Variants in CDH20 observed in about 807,000 individuals in gnomAD.
The protein encoded by CDH20 is cadherin-20.
Under a neutral mutation model 74.2 loss-of-function variants are expected in CDH20, and 29 were observed. The ratio of observed to expected loss-of-function variants is 0.39; its 90% CI spans 0.29 to 0.53. CDH20 has a LOEUF of 0.53. Among genes scored for constraint, CDH20 ranks in the 20% least tolerant of loss-of-function variants. CDH20 has a pLI of 0.69. For missense variants in CDH20, 988 were observed against 1,048.3 expected (o/e 0.94, Z 0.79); for synonymous variants, 469 against 405.4 (o/e 1.16, Z -1.88).
intron 1 of CDH20, among the ~76,000 whole-genome samples, chr18:61,382,146 T>C (rs917562487): frequency 6.6e-6 from 1 of 152,220 alleles, no homozygotes; most frequent in Non-Finnish European, 1.5e-5. Context: ...ATTTCATTGC[T>C]ATTAAAATTA....
At chr18:61,481,833 AACCCAC>A (rs1241132631) in intron 1 of CDH20, among the ~76,000 whole-genome samples, 1 of 152,142 alleles carries the variant, frequency 6.6e-6, no homozygotes, top group African/African-American at 2.4e-5. Flanking sequence ...TACAAGTATG[AACCCAC>A]CATGCCTGGC....
intron 4 of CDH20, among the ~76,000 whole-genome samples, chr18:61,502,407 A>G (rs1911414376): frequency 6.6e-6 from 1 of 152,196 alleles, no homozygotes; most frequent in Non-Finnish European, 1.5e-5. Context: ...AACAGAATGA[A>G]TATGTAACAA....
rs1041748661 is a variant in CDH20, at chr18:61,353,424, C to T, written c.-153+19597C>T. On this transcript the variant is annotated intron_variant, in intron 1 of 11. Transcript: ENST00000262717. This position sits in a 1 kb window ranked among gnomAD's most constrained non-coding sequence, Gnocchi z 4.6. ...ATGGGTCAATAGTTACTTCTTCTTC[C>T]CCTAGATTCTCATAAAATGGACTTC... Among the ~76,000 whole-genome samples, 2 of 152,174 alleles carry T rather than the reference C, an allele frequency of 1.3e-5. No homozygotes were observed. Among genetic ancestry groups the T allele is most frequent in the Non-Finnish European group, 2.9e-5 (2 of 68,038 alleles).
Position 61,490,755 on chromosome 18 carries a change from G to T in CDH20, c.202G>T (p.Val68Phe). ...KRSWVWNQFF[V>F]LEEYTGTDPL... ...GAGCTGGGTTTGGAACCAGTTTTTC[G>T]TTCTGGAAGAGTACACTGGGACCGA... Residue 68 changes from valine to phenylalanine, a missense_variant, in exon 2 of 12, where the codon GTT becomes TTT. Transcript: ENST00000262717. The T allele has an allele frequency of 6.2e-7, 1 of 1,614,092 alleles. No homozygotes were observed. Among genetic ancestry groups the T allele is most frequent in the Non-Finnish European group, 8.5e-7 (1 of 1,180,010 alleles).
chr18:61,358,168 G>T (rs1910558715), intron 1 of CDH20, among the ~76,000 whole-genome samples: 1 of 149,038 alleles, frequency 6.7e-6, no homozygotes, highest in Non-Finnish European at 1.5e-5. Flanking sequence ...AGGCTGGAGT[G>T]CAGTGGCATG....
chr18:61,529,875 G>A (rs190245270), intron 7 of CDH20, among the ~76,000 whole-genome samples: 76 of 152,264 alleles, frequency 5.0e-4, no homozygotes, highest in Middle Eastern at 3.4e-3. Context: ...ACTATCAGTT[G>A]GCCAGCACAT....
At chr18:61,377,112 G>T (rs1025065131) in intron 1 of CDH20, among the ~76,000 whole-genome samples, 2 of 152,050 alleles carry the variant, frequency 1.3e-5, no homozygotes, top group African/African-American at 4.8e-5. Flanking sequence ...GAATTTACAC[G>T]GTCAAAACTG....
chr18:61,417,208 T>C (rs1025833459), intron 1 of CDH20, among the ~76,000 whole-genome samples: 2 of 152,096 alleles, frequency 1.3e-5, no homozygotes, highest in African/African-American at 4.8e-5. Flanking sequence ...GAGATAAGAT[T>C]ATAGAGGTAA....
intron 1 of CDH20, among the ~76,000 whole-genome samples, chr18:61,395,460 T>G (rs916514006): frequency 6.6e-6 from 1 of 152,184 alleles, no homozygotes; most frequent in East Asian, 1.9e-4. Context: ...ATGCCTTCCA[T>G]ACATGTGTGG....
chr18:61,411,580 GTATATATA>G lies in CDH20; in HGVS notation c.-153+77785_-153+77792del, dbSNP rs145701176. The stretch of plus-strand genomic sequence containing the variant: ...TGTGTATATATGTGTGTGTGTGTGT[GTATATATA>G]TATATATATATATATATATATATAT... On this transcript the variant is annotated intron_variant, in intron 1 of 11. Coordinates refer to ENST00000262717, the MANE Select transcript of CDH20 (RefSeq NM_031891.4). Among the ~76,000 whole-genome samples the G allele has an allele frequency of 7.0e-4, 105 of 149,942 alleles. 1 individual carries two copies. Among genetic ancestry groups the G allele is most frequent in the African/African-American group, 2.4e-3 (99 of 40,454 alleles).
At chr18:61,478,073 C>T (rs1007206375) in intron 1 of CDH20, among the ~76,000 whole-genome samples, 1 of 152,004 alleles carries the variant, frequency 6.6e-6, no homozygotes, top group Non-Finnish European at 1.5e-5. Context: ...GTGGCACATG[C>T]CTGTAGTCCC....
At chr18:61,414,926 C>T (rs1912636145) in intron 1 of CDH20, among the ~76,000 whole-genome samples, 1 of 151,996 alleles carries the variant, frequency 6.6e-6, no homozygotes, top group Non-Finnish European at 1.5e-5. Context: ...CATCCATCTC[C>T]AGAACTTCGT....
intron 1 of CDH20, among the ~76,000 whole-genome samples, chr18:61,484,150 A>G (rs538477071): frequency 6.6e-6 from 1 of 152,370 alleles, no homozygotes; most frequent in South Asian, 2.1e-4. Flanking sequence ...TGTTAGCCAC[A>G]TAATTTCATT....
chr18:61,479,858 C>A (rs1910527273), intron 1 of CDH20, among the ~76,000 whole-genome samples: 1 of 152,066 alleles, frequency 6.6e-6, no homozygotes, highest in Admixed American at 6.5e-5. Context: ...TTGTTGGATC[C>A]CCTTTCTCTT....
intron 1 of CDH20, among the ~76,000 whole-genome samples, chr18:61,346,045 C>T (rs1189295785): frequency 6.6e-6 from 1 of 152,208 alleles, no homozygotes; most frequent in Non-Finnish European, 1.5e-5. Context: ...ATTATGGCAT[C>T]CATCTCTACC....
At chr18:61,461,669 G>A (rs1470594997) in intron 1 of CDH20, among the ~76,000 whole-genome samples, 1 of 152,176 alleles carries the variant, frequency 6.6e-6, no homozygotes, top group East Asian at 1.9e-4. Flanking sequence ...AGGAAAGAAT[G>A]AAGCAACAAA....
intron 1 of CDH20, among the ~76,000 whole-genome samples, chr18:61,426,461 T>A (rs932087010): frequency 6.6e-6 from 1 of 152,170 alleles, no homozygotes; most frequent in Admixed American, 6.5e-5. Flanking sequence ...AAATATAGAA[T>A]TTTTAATAGA....
chr18:61,549,357 A>T (rs1174814251), intron 10 of CDH20, among the ~76,000 whole-genome samples: 3 of 152,242 alleles, frequency 2.0e-5, no homozygotes, highest in Non-Finnish European at 2.9e-5. Context: ...AAGTGAGACC[A>T]CCAACCCAGG....
intron 1 of CDH20, among the ~76,000 whole-genome samples, chr18:61,345,312 C>A (rs1223553681): frequency 6.6e-6 from 1 of 152,116 alleles, no homozygotes; most frequent in Non-Finnish European, 1.5e-5. Flanking sequence ...TGTCATAGGA[C>A]TTAAAAAGCA....
Sources: gnomAD v4.1 joint callset for allele counts (sites outside exome capture counted in the v4.1 genomes callset) on GRCh38, gnomAD v4.1.1 for gene constraint, Gnocchi (gnomAD v3.1) non-coding constraint, MANE v1.5 for transcripts, NCBI Gene and HGNC (gene_info 2026-07-23, HGNC 2026-07-21) for gene names.